KLB: variants seen among roughly 807,000 people sequenced by gnomAD.
KLB encodes beta-klotho.
In KLB, 44 loss-of-function variants were observed where a neutral mutation model predicts 88.4. That is an observed-to-expected ratio of 0.50 (90% CI 0.39 to 0.64). The LOEUF (loss-of-function observed/expected upper bound fraction) is 0.64, where lower values mean the gene tolerates loss of function less well. Ranked by LOEUF, KLB falls within the 30% of genes least tolerant of loss-of-function variation. The pLI is 0.00. For missense variants in KLB, 1,137 were observed against 1,304.8 expected, an observed-to-expected ratio of 0.87 and a Z score of 1.98; for synonymous variants, 548 against 513.4, an observed-to-expected ratio of 1.07 and a Z score of -0.91.
rs142420378 is a variant in KLB at position 39,406,967 on chromosome 4, G to A, written c.18G>A (p.Ala6=). 28 of 1,610,278 alleles carry A rather than the reference G, an allele frequency of 1.7e-5. No homozygotes were observed. Among genetic ancestry groups the A allele is most frequent in the African/African-American group, 6.7e-5 (5 of 74,838 alleles). The change falls in exon 1 of 5, where the codon GCG becomes GCA. Residue 6 remains alanine (A), a synonymous_variant. Transcript: ENST00000257408. The part of the protein sequence containing the change: MKPGC[A]AGSPGNEWIF... ...GGTGGCAAATGAAGCCAGGCTGTGC[G>A]GCAGGATCTCCAGGGAATGAATGGA...
At chr4:39,438,650 C>T (rs1398109907) in intron 3 of KLB, among the ~76,000 whole-genome samples, 1 of 152,236 alleles carries the variant, frequency 6.6e-6, no homozygotes, top group Non-Finnish European at 1.5e-5. Flanking sequence ...ATGCAAGCTG[C>T]ATAAGAGCAA....
chr4:39,441,729 T>TTCTCTAC (rs1743599011), intron 3 of KLB: 1 of 151,902 alleles, frequency 6.6e-6, no homozygotes, highest in Non-Finnish European at 1.5e-5. Context: ...TTTCTGTTCC[T>TTCTCTAC]TCTCTACTCC....
rs564013246 is a variant in KLB at position 39,447,439 on chromosome 4, T to C, written c.2713T>C (p.Tyr905His). 4.0e-5 allele frequency: 64 copies of C among 1,607,496 alleles called. 1 individual carries two copies. The South Asian group carries it at 6.8e-4, about 17-fold the overall frequency. Residue 905 changes from tyrosine (Y) to histidine (H), a missense_variant, in exon 4 of 5, where the codon TAC becomes CAC. This residue lies in a region of KLB where 426 missense variants were observed against 404.6 expected (regional missense o/e 1.05). Transcript: ENST00000257408. ...QALEDDRLRKYYLGKYLQEVL... is the reference protein window; with the variant it reads ...QALEDDRLRKHYLGKYLQEVL... ...TCTGGAGGATGACCGGCTCCGGAAG[T>C]ACTACCTAGGGAAGTACCTTCAGGA...
At chr4:39,412,588 A>T (rs1158377448) in intron 1 of KLB, among the ~76,000 whole-genome samples, 1 of 152,058 alleles carries the variant, frequency 6.6e-6, no homozygotes, top group African/African-American at 2.4e-5. Context: ...GTCTAGCTCA[A>T]ATGCCCTCTT....
chr4:39,418,996 A>G (rs1006488942), intron 1 of KLB, among the ~76,000 whole-genome samples: 2 of 151,828 alleles, frequency 1.3e-5, no homozygotes, highest in African/African-American at 4.8e-5. Context: ...CATTAAAACT[A>G]TTATTATTAT....
Position 39,446,229 on chromosome 4 carries a change from TG to T in KLB, c.1606-101del. 9.9e-7 allele frequency: 1 copy of T among 1,013,526 alleles called. No homozygotes were observed. The highest frequency in any genetic ancestry group is 1.4e-6 in the Non-Finnish European group (1 of 696,210). The allele number at this position is 1,013,526 out of a possible 1,614,324, so 62.8% of individuals were successfully genotyped here. A position where few individuals can be genotyped will look rare whatever the true frequency, so the allele number is the denominator to read the frequency against. ...TTCAAGGGCTGGAATAGGCCTGGCGTGGTGGCCTGTAATCCCAGCACTTTGG... is the reference window on the plus strand; with the variant it reads ...TTCAAGGGCTGGAATAGGCCTGGCGTGTGGCCTGTAATCCCAGCACTTTGG... On this transcript the variant is annotated intron_variant, in intron 3 of 4. Coordinates refer to ENST00000257408, the MANE Select transcript of KLB (RefSeq NM_175737.4). This position sits in a 1 kb window ranked among gnomAD's most constrained non-coding sequence, Gnocchi z 6.4.
intron 2 of KLB, among the ~76,000 whole-genome samples, chr4:39,435,397 C>T (rs894961537): frequency 6.6e-6 from 1 of 152,128 alleles, no homozygotes; most frequent in Non-Finnish European, 1.5e-5. Context: ...GGATTACAGG[C>T]ATGAGCCACC....
At position 39,442,241 on chromosome 4, in the gene KLB, CAA is replaced by C. The variant is rs547196892; in HGVS notation, c.1606-4078_1606-4077del. On this transcript the variant is annotated intron_variant, in intron 3 of 4. Coordinates refer to ENST00000257408, the MANE Select transcript of KLB (RefSeq NM_175737.4). Reference sequence around the variant, plus strand: ...TGGGCAACAGAGCAAGACCCTGTCTCAAAAAAAAAAAAAATTACTAAGCCTAA... The same window carrying C: ...TGGGCAACAGAGCAAGACCCTGTCTCAAAAAAAAAAAATTACTAAGCCTAA... Among the ~76,000 whole-genome samples the C allele has an allele frequency of 1.1e-3, 157 of 138,776 alleles. 1 individual carries two copies. The highest frequency in any genetic ancestry group is 3.9e-3 in the African/African-American group (150 of 38,100). The allele number at this position is 138,776 out of a possible 152,430, so 91.0% of individuals were successfully genotyped here.
chr4:39,421,467 C>T (rs1465938370), intron 1 of KLB, among the ~76,000 whole-genome samples: 1 of 152,064 alleles, frequency 6.6e-6, no homozygotes, highest in Non-Finnish European at 1.5e-5. Flanking sequence ...ACTATGACTC[C>T]GACCAGGCAC....
rs147899701 is a variant in KLB at position 39,434,434 on chromosome 4, C to T, written c.1050C>T (p.Ser350=). 1,935 of 1,614,114 alleles carry T rather than the reference C, an allele frequency of 1.2e-3. 2 individuals carry two copies. The highest frequency in any genetic ancestry group is 1.6e-3 in the Non-Finnish European group (1,832 of 1,180,012). ...AGGGGATGAGAAAGAAGTTGTTCTC[C>T]GTTCTACCCATTTTCTCTGAAGCAG... ...YPEGMRKKLF[S]VLPIFSEAEK... is the part of the protein sequence containing the mutation. The change falls in exon 2 of 5, where the codon TCC becomes TCT. Residue 350 remains serine, a synonymous_variant. Coordinates refer to ENST00000257408, the MANE Select transcript of KLB (RefSeq NM_175737.4).
At chr4:39,440,847 C>T (rs1292293687) in intron 3 of KLB, among the ~76,000 whole-genome samples, 2 of 152,018 alleles carry the variant, frequency 1.3e-5, no homozygotes, top group African/African-American at 2.4e-5. Flanking sequence ...TGTTAGCCAC[C>T]GTGCCCAGCT....
Position 39,446,350 on chromosome 4 carries a change from T to C in KLB, c.1624T>C (p.Ser542Pro). Residue 542 changes from serine (S) to proline (P), a missense_variant, in exon 4 of 5, where the codon TCC (serine) becomes CCC (proline). Transcript: ENST00000257408. The surrounding 1 kb of genome is among the most constrained non-coding windows in gnomAD (Gnocchi z 6.4). ...TTCACAGCCCGAGTCTGTGGCTTCG[T>C]CCCCACAGTTCAGCGATCCTCATCT... ...SVLKPESVAS[S>P]PQFSDPHLYV... 6.2e-7 allele frequency: 1 copy of C among 1,613,666 alleles called. No homozygotes were observed. Among genetic ancestry groups the C allele is most frequent in the Non-Finnish European group, 8.5e-7 (1 of 1,179,804 alleles).
intron 1 of KLB, among the ~76,000 whole-genome samples, chr4:39,430,927 T>C (rs962871690): frequency 1.3e-5 from 2 of 149,558 alleles, no homozygotes; most frequent in Non-Finnish European, 3.0e-5. Flanking sequence ...TTTTTTTTTT[T>C]TTCCCCTGAG....
chr4:39,429,984 T>G (rs955261202), intron 1 of KLB, among the ~76,000 whole-genome samples: 1 of 152,202 alleles, frequency 6.6e-6, no homozygotes, highest in African/African-American at 2.4e-5. Flanking sequence ...AAAGAGACAC[T>G]GTGGAACGTG....
At chr4:39,444,773 T>C (rs576472729) in intron 3 of KLB, among the ~76,000 whole-genome samples, 6 of 152,364 alleles carry the variant, frequency 3.9e-5, no homozygotes, top group Admixed American at 2.0e-4. Flanking sequence ...TTTACTCAAA[T>C]AATGAATTAT....
At chr4:39,439,664 CTTT>C (rs56870853) in intron 3 of KLB, among the ~76,000 whole-genome samples, 1 of 136,018 alleles carries the variant, frequency 7.4e-6, no homozygotes, top group Non-Finnish European at 1.6e-5. Flanking sequence ...GCAAATTTTT[CTTT>C]TTTTTTTTTG....
intron 1 of KLB, among the ~76,000 whole-genome samples, chr4:39,414,476 A>G (rs1195633846): frequency 6.6e-6 from 1 of 152,150 alleles, no homozygotes; most frequent in African/African-American, 2.4e-5. Context: ...TTTTTCTTAT[A>G]TTAAGCATTA....
intron 1 of KLB, 43 bp from the exon 2 acceptor site, chr4:39,434,167 G>A: frequency 6.5e-7 from 1 of 1,547,594 alleles, no homozygotes; most frequent in South Asian, 1.2e-5. Flanking sequence ...TACAGCCCTT[G>A]TAAGTGAGGA....
chr4:39,409,859 G>C (rs976085708), intron 1 of KLB, among the ~76,000 whole-genome samples: 2 of 152,002 alleles, frequency 1.3e-5, no homozygotes, highest in African/African-American at 4.8e-5. Flanking sequence ...GGGAGGCAGA[G>C]GTTACAGTGA....
Sources: gnomAD v4.1 joint callset for allele counts (sites outside exome capture counted in the v4.1 genomes callset) on GRCh38, gnomAD v4.1.1 for gene constraint, gnomAD v4.1.1 regional missense constraint, Gnocchi (gnomAD v3.1) non-coding constraint, MANE v1.5 for transcripts, NCBI Gene and HGNC (gene_info 2026-07-23, HGNC 2026-07-21) for gene names.